PPTC7: variants seen among roughly 807,000 people sequenced by gnomAD.
PPTC7 encodes protein phosphatase PTC7 homolog.
PPTC7 carries 6 observed loss-of-function variants against 30.8 expected under a neutral mutation model. That is an observed-to-expected ratio of 0.19 (90% CI 0.11 to 0.38). The LOEUF (loss-of-function observed/expected upper bound fraction) is 0.38. PPTC7 is among the 10% of genes least tolerant of loss of function. PPTC7 has a pLI of 1.00. For synonymous variants in PPTC7, 163 were observed against 168.1 expected (o/e 0.97, Z 0.23); for missense variants, 218 against 404.8 (o/e 0.54, Z 3.96).
intron 1 of PPTC7, among the ~76,000 whole-genome samples, chr12:110,578,469 T>C (rs961599629): frequency 3.3e-5 from 5 of 152,152 alleles, no homozygotes; most frequent in African/African-American, 1.2e-4. Flanking sequence ...ACACCCAACA[T>C]AGTCAGTTTT....
At chr12:110,582,745 C>T (rs1287041974) in intron 1 of PPTC7, 64 bp downstream of exon 1, 6 of 1,374,620 alleles carry the variant, frequency 4.4e-6, no homozygotes, top group Non-Finnish European at 5.9e-6. Flanking sequence ...GGGGAAGCCC[C>T]GCGCGGGGAG....
intron 1 of PPTC7, among the ~76,000 whole-genome samples, chr12:110,565,342 CGCCTCCCAGGTTCAAGCGATTCTCT>C (rs2064474827): frequency 6.6e-6 from 1 of 151,864 alleles, no homozygotes; most frequent in South Asian, 2.1e-4. Flanking sequence ...CTGCAACCTC[CGCCTCCCAGGTTCAAGCGATTCTCT>C]GCCTCAGCCT....
chr12:110,546,414 C>T, intron 2 of PPTC7: 1 of 237,456 alleles, frequency 4.2e-6, no homozygotes, highest in Non-Finnish European at 8.4e-6. Context: ...GCCAAATGCT[C>T]AAAAACATGT....
intron 1 of PPTC7, among the ~76,000 whole-genome samples, chr12:110,560,487 CTG>C (rs2064430431): frequency 6.6e-6 from 1 of 152,092 alleles, no homozygotes; most frequent in Non-Finnish European, 1.5e-5. Flanking sequence ...AGTCACCTAA[CTG>C]TGTAATTGCA....
At chr12:110,551,495 C>A (rs559087159) in intron 2 of PPTC7, among the ~76,000 whole-genome samples, 1 of 152,032 alleles carries the variant, frequency 6.6e-6, no homozygotes, top group Non-Finnish European at 1.5e-5. Context: ...TACAGGCATG[C>A]GCCACCATGC....
intron 1 of PPTC7, among the ~76,000 whole-genome samples, chr12:110,574,404 G>C (rs1165787455): frequency 6.6e-6 from 1 of 151,786 alleles, no homozygotes; most frequent in Non-Finnish European, 1.5e-5. Context: ...GGAGAATCAT[G>C]TTTTGTGTCA....
chr12:110,545,998 G>A lies in PPTC7; in HGVS notation c.484C>T (p.Leu162=). The change falls in exon 3 of 6, where the codon CTG becomes TTG. Residue 162 remains leucine (L), a synonymous_variant. Transcript: ENST00000354300. ...ACGACTTCACCACCCCTGACAACCA[G>A]GAAGCCTGAATCGCCCAGGTTTGCT... ...HTANLGDSGF[L]VVRGGEVVHR... 1.2e-6 allele frequency: 2 copies of A among 1,614,204 alleles called. No individual in the cohort carries two copies. Among genetic ancestry groups the A allele is most frequent in the Non-Finnish European group, 1.7e-6 (2 of 1,180,040 alleles).
At chr12:110,553,169 G>A (rs1195070460) in intron 1 of PPTC7, among the ~76,000 whole-genome samples, 5 of 144,712 alleles carry the variant, frequency 3.5e-5, no homozygotes, top group African/African-American at 7.5e-5. Flanking sequence ...GGCAACAAGA[G>A]TGAAACTCCA....
At chr12:110,577,388 G>C (rs970958767) in intron 1 of PPTC7, among the ~76,000 whole-genome samples, 1 of 151,826 alleles carries the variant, frequency 6.6e-6, no homozygotes, top group African/African-American at 2.4e-5. Context: ...ATTCCAACAA[G>C]GACTTCTTGA....
intron 1 of PPTC7, among the ~76,000 whole-genome samples, chr12:110,569,310 G>A (rs561776872): frequency 6.6e-6 from 1 of 152,198 alleles, no homozygotes; most frequent in African/African-American, 2.4e-5. Context: ...TCCAGCCTGG[G>A]CGACAGAGTG....
chr12:110,580,575 G>C (rs906107669), intron 1 of PPTC7, among the ~76,000 whole-genome samples: 1 of 151,980 alleles, frequency 6.6e-6, no homozygotes, highest in Non-Finnish European at 1.5e-5. Context: ...CCTAACCTCA[G>C]GTGATCCGCC....
rs201243672 is a variant in PPTC7, at chr12:110,563,048, G to A, written c.224-11080C>T. Among the ~76,000 whole-genome samples the A allele has an allele frequency of 1.5e-4, 22 of 144,700 alleles. No homozygotes were observed. The East Asian group carries it at 4.0e-3, about 26-fold the overall frequency. 94.9% of individuals were successfully genotyped at this position (144,700 alleles called of 152,430 possible). A position where few individuals can be genotyped will look rare whatever the true frequency, so the allele number is the denominator to read the frequency against. ...GAGACAGAATTGCCTGAACCTGGGA[G>A]GCAGAGATTGCAGTAAGCAAAGATT... On this transcript the variant is annotated intron_variant, in intron 1 of 5. Coordinates refer to ENST00000354300, the MANE Select transcript of PPTC7 (RefSeq NM_139283.2).
intron 2 of PPTC7, among the ~76,000 whole-genome samples, chr12:110,550,563 T>C (rs2064342866): frequency 6.6e-6 from 1 of 152,040 alleles, no homozygotes; most frequent in Admixed American, 6.6e-5. Context: ...CAATGGTGAC[T>C]GGGAAGGAGG....
At chr12:110,556,220 C>A (rs995519768) in intron 1 of PPTC7, among the ~76,000 whole-genome samples, 1 of 152,092 alleles carries the variant, frequency 6.6e-6, no homozygotes, top group Admixed American at 6.5e-5. Context: ...CTTTTTTACA[C>A]GGGCAAAGGA....
chr12:110,581,445 C>T (rs1042081296), intron 1 of PPTC7, among the ~76,000 whole-genome samples: 15 of 152,016 alleles, frequency 9.9e-5, no homozygotes, highest in African/African-American at 3.6e-4. Flanking sequence ...GTCACAAGCT[C>T]ATTGAGTGAG....
rs143894502 is a variant in PPTC7, at chr12:110,547,819, A to C, written c.404-1741T>G. On this transcript the variant is annotated intron_variant, in intron 2 of 5. Transcript: ENST00000354300. The stretch of plus-strand genomic sequence containing the variant: ...CTTGTTTCTTCCTAACAAAATGGAG[A>C]ATAGTTCAGGCGTGGTGGGTCATGC... Among the ~76,000 whole-genome samples, 532 of 152,214 alleles carry C rather than the reference A, an allele frequency of 3.5e-3. 2 individuals carry two copies. Among genetic ancestry groups the C allele is most frequent in the African/African-American group, 0.012 (500 of 41,526 alleles).
At chr12:110,577,379 T>C (rs2064598878) in intron 1 of PPTC7, among the ~76,000 whole-genome samples, 1 of 151,098 alleles carries the variant, frequency 6.6e-6, no homozygotes, top group African/African-American at 2.4e-5. Flanking sequence ...CTGAGGAAAA[T>C]TCCAACAAGG....
intron 2 of PPTC7, among the ~76,000 whole-genome samples, chr12:110,548,003 A>T (rs1314433899): frequency 2.0e-5 from 3 of 151,876 alleles, no homozygotes; most frequent in Admixed American, 6.6e-5. Context: ...GCTACTTCGG[A>T]GGCTGGGGCA....
At chr12:110,542,638 T>C (rs1344287720) in intron 3 of PPTC7, among the ~76,000 whole-genome samples, 1 of 123,758 alleles carries the variant, frequency 8.1e-6, no homozygotes, top group Non-Finnish European at 1.6e-5. Flanking sequence ...GCCACTGCAC[T>C]CCAGCAGCCT....
Sources: gnomAD v4.1 joint callset for allele counts (sites outside exome capture counted in the v4.1 genomes callset) on GRCh38, gnomAD v4.1.1 for gene constraint, MANE v1.5 for transcripts, NCBI Gene and HGNC (gene_info 2026-07-23, HGNC 2026-07-21) for gene names.